DOCK1: variants seen among roughly 807,000 people sequenced by gnomAD.
DOCK1 encodes dedicator of cytokinesis 1, also known as dedicator of cytokinesis protein 1.
DOCK1 carries 138 observed loss-of-function variants against 262.7 expected under a neutral mutation model. The ratio of observed to expected loss-of-function variants is 0.53; its 90% CI spans 0.46 to 0.61. The LOEUF (loss-of-function observed/expected upper bound fraction) is 0.61, where lower values mean the gene tolerates loss of function less well. Among genes scored for constraint, DOCK1 ranks in the 20% least tolerant of loss-of-function variants. The pLI, the probability that DOCK1 is intolerant of heterozygous loss-of-function variation, is 0.00. For missense variants in DOCK1, 1,908 were observed against 2,370.7 expected (o/e 0.80, Z 4.05); for synonymous variants, 866 against 867.4 (o/e 1.00, Z 0.03).
At chr10:127,229,678 G>A (rs1016727398) in intron 27 of DOCK1, among the ~76,000 whole-genome samples, 5 of 152,130 alleles carry the variant, frequency 3.3e-5, no homozygotes, top group African/African-American at 9.7e-5. Context: ...TGTGAATAAC[G>A]CTACAGTGTA....
intron 29 of DOCK1, among the ~76,000 whole-genome samples, chr10:127,300,672 T>A (rs567318936): frequency 6.6e-6 from 1 of 152,366 alleles, no homozygotes; most frequent in East Asian, 1.9e-4. Context: ...CTTCGAATAC[T>A]TTCAGGGAGC....
rs1225590018 is a variant in DOCK1 at position 127,023,289 on chromosome 10, G to T, written c.1417G>T (p.Val473Leu). The T allele has an allele frequency of 6.2e-7, 1 of 1,613,874 alleles. No individual in the cohort carries two copies. Among genetic ancestry groups the T allele is most frequent in the Non-Finnish European group, 8.5e-7 (1 of 1,179,912 alleles). The change falls in exon 14 of 52, where the codon GTG (valine) becomes TTG (leucine). Residue 473 changes from valine (V) to leucine (L), a missense_variant. Physicochemically the swap from Val to Leu is conservative, Grantham distance 32. Around this residue, in one of 9 missense-constraint regions of DOCK1, gnomAD observed 294 missense variants for 439.9 expected, o/e 0.67. Transcript: ENST00000623213. ...KTTAKNVEVT[V>L]SVYDEDGKRL... is the part of the protein sequence containing the mutation. ...AACAGCGAAGAACGTGGAGGTCACG[G>T]TGTCTGTGTACGATGAGGATGGGAA... is the stretch of plus-strand genomic sequence containing the variant.
Position 127,204,606 on chromosome 10 carries a change from G to A in DOCK1, c.2848-43402G>A, listed in dbSNP as rs1481781344. ...CTGACCGTTTTTTTAAAAAAAAATA[G>A]AGATGGGCGTTTGGAAACTGAGTCA... On this transcript the variant is annotated intron_variant, in intron 27 of 51. Coordinates refer to ENST00000623213, the MANE Select transcript of DOCK1 (RefSeq NM_001290223.2). Among the ~76,000 whole-genome samples the A allele has an allele frequency of 2.0e-5, 3 of 152,120 alleles. No homozygotes were observed. In the East Asian group the frequency reaches 5.8e-4, roughly 29 times the overall value.
intron 44 of DOCK1, 35 bp downstream of exon 44, chr10:127,415,273 T>G: frequency 6.3e-7 from 1 of 1,596,232 alleles, no homozygotes; most frequent in East Asian, 2.2e-5. Flanking sequence ...GAATTGTCCG[T>G]TCCCTTCCTC....
At chr10:126,937,513 G>GT (rs1252931098) in intron 1 of DOCK1, among the ~76,000 whole-genome samples, 31,008 of 144,940 alleles carry the variant, frequency 0.21, 3,881 homozygotes, top group African/African-American at 0.35. Flanking sequence ...GTTATTTTCT[G>GT]TTTTTTTTTT....
chr10:127,434,306 C>G (rs1433393709), intron 48 of DOCK1, among the ~76,000 whole-genome samples: 2 of 152,148 alleles, frequency 1.3e-5, no homozygotes, highest in African/African-American at 4.8e-5. Context: ...TAGGACAACT[C>G]TGGAAAATAA....
chr10:126,994,466 G>A (rs2040022685), intron 6 of DOCK1, among the ~76,000 whole-genome samples: 2 of 152,156 alleles, frequency 1.3e-5, no homozygotes, highest in Admixed American at 6.5e-5. Context: ...AGGACCCTGC[G>A]GCCTTCCGCA....
At chr10:127,008,700 C>CA in intron 10 of DOCK1, 32 bp from the exon 11 acceptor site, 1 of 1,549,658 alleles carries the variant, frequency 6.5e-7, no homozygotes, top group South Asian at 1.2e-5. Flanking sequence ...GCATTTAAGC[C>CA]AAAACAATCT....
At chr10:126,982,122 C>A in intron 4 of DOCK1, 149 bp downstream of exon 4, 1 of 811,142 alleles carries the variant, frequency 1.2e-6, no homozygotes, top group South Asian at 1.6e-5. Context: ...AGAAAGGGGA[C>A]TTGTGATTCA....
rs373112623 is a variant in DOCK1, at chr10:127,319,571, G to C, written c.3045-19435G>C. On this transcript the variant is annotated intron_variant, in intron 29 of 51. Transcript: ENST00000623213. The stretch of plus-strand genomic sequence containing the variant: ...CAAAGTCAATGCACACCATCACTGT[G>C]GCCATATTCGGGTGGTAAAATGTGG... 1.4e-4 allele frequency among the ~76,000 whole-genome samples: 21 copies of C among 152,276 alleles called. No homozygotes were observed. In the South Asian group the frequency reaches 4.1e-3, roughly 30 times the overall value.
At chr10:127,289,190 T>C (rs1283222419) in intron 29 of DOCK1, among the ~76,000 whole-genome samples, 1 of 152,170 alleles carries the variant, frequency 6.6e-6, no homozygotes, top group Admixed American at 6.5e-5. Flanking sequence ...AAACACATAC[T>C]TGTATTCCCA....
chr10:127,410,630 A>G (rs6482874), intron 42 of DOCK1, among the ~76,000 whole-genome samples: 101,633 of 152,080 alleles, frequency 0.67, 34,241 homozygotes, highest in East Asian at 0.75. Flanking sequence ...GAGGGTTGGC[A>G]GGGACAGGGA....
At chr10:127,400,401 C>T (rs2067151486) in intron 38 of DOCK1, among the ~76,000 whole-genome samples, 1 of 152,198 alleles carries the variant, frequency 6.6e-6, no homozygotes, top group Admixed American at 6.5e-5. Context: ...AGTCTGCCTC[C>T]CCTGTGGGAA....
At chr10:127,393,581 T>C (rs7068251) in intron 38 of DOCK1, among the ~76,000 whole-genome samples, 129,592 of 152,020 alleles carry the variant, frequency 0.85, 55,583 homozygotes, top group African/African-American at 0.96. Context: ...CCCGGGAGAG[T>C]GGGCGGGGGC....
rs564741458 is a variant in DOCK1, at chr10:126,984,517, TTGTGTG to T, written c.227+2558_227+2563del. Among the ~76,000 whole-genome samples, 56 of 150,614 alleles carry T rather than the reference TTGTGTG, an allele frequency of 3.7e-4. 1 individual carries two copies. The South Asian group carries it at 7.6e-3, about 20-fold the overall frequency. On this transcript the variant is annotated intron_variant, in intron 4 of 51. Transcript: ENST00000623213. ...ATTCACCACCATGCCCAGCTAATTTTTGTGTGTGTGTGTGTGTGTTTTTTTTTTTTC... is the reference window on the plus strand; with the variant it reads ...ATTCACCACCATGCCCAGCTAATTTTTGTGTGTGTGTGTTTTTTTTTTTTC...
intron 25 of DOCK1, among the ~76,000 whole-genome samples, chr10:127,119,465 G>A (rs2049405050): frequency 6.6e-6 from 1 of 152,210 alleles, no homozygotes; most frequent in South Asian, 2.1e-4. Flanking sequence ...ATGGCTCTGC[G>A]ATTCCTTCCA....
chr10:127,335,267 C>A (rs1252627365), intron 29 of DOCK1, among the ~76,000 whole-genome samples: 1 of 152,138 alleles, frequency 6.6e-6, no homozygotes, highest in Admixed American at 6.5e-5. Context: ...CCAGCAGTGT[C>A]CAGCACAGAT....
intron 28 of DOCK1, among the ~76,000 whole-genome samples, chr10:127,251,851 T>C (rs2059658076): frequency 6.8e-6 from 1 of 147,496 alleles, no homozygotes; most frequent in Non-Finnish European, 1.5e-5. Flanking sequence ...TACGTGTGCA[T>C]GTGTCTTTAT....
At chr10:127,122,054 T>A (rs576164761) in intron 25 of DOCK1, among the ~76,000 whole-genome samples, 1 of 152,320 alleles carries the variant, frequency 6.6e-6, no homozygotes, top group African/African-American at 2.4e-5. Flanking sequence ...AGTATTTCAG[T>A]GTTCCGATAA....
Sources: gnomAD v4.1 joint callset for allele counts (sites outside exome capture counted in the v4.1 genomes callset) on GRCh38, gnomAD v4.1.1 for gene constraint, gnomAD v4.1.1 regional missense constraint, MANE v1.5 for transcripts, NCBI Gene and HGNC (gene_info 2026-07-23, HGNC 2026-07-21) for gene names.